The following HSPA12A variants were observed in gnomAD, a reference collection of about 807,000 sequenced individuals.
HSPA12A encodes the protein heat shock protein family A (Hsp70) member 12A, also known as heat shock 70 kDa protein 12A.
HSPA12A carries 28 observed loss-of-function variants against 69.2 expected under a neutral mutation model. The observed-to-expected ratio is 0.40, with a 90% CI of 0.30 to 0.55. The LOEUF (loss-of-function observed/expected upper bound fraction) is 0.55. HSPA12A is among the 20% of genes least tolerant of loss of function. HSPA12A has a pLI of 0.38. For synonymous variants in HSPA12A, 345 were observed against 370.5 expected, an observed-to-expected ratio of 0.93 and a Z score of 0.79; for missense variants, 686 against 900.7, an observed-to-expected ratio of 0.76 and a Z score of 3.05.
intron 1 of HSPA12A, among the ~76,000 whole-genome samples, chr10:116,726,784 A>T (rs1422869435): frequency 1.3e-5 from 2 of 152,118 alleles, no homozygotes; most frequent in African/African-American, 2.4e-5. Context: ...CTGTTTCTTC[A>T]TGTGGAAAAT....
At chr10:116,750,219 G>A (rs1307825889) in intron 2 of HSPA12A, 7 of 737,116 alleles carry the variant, frequency 9.5e-6, no homozygotes, top group African/African-American at 1.7e-5. Flanking sequence ...CTGCTGGCCT[G>A]CAGGCTTCTC....
intron 3 of HSPA12A, among the ~76,000 whole-genome samples, chr10:116,702,672 C>T (rs1158922550): frequency 6.6e-6 from 1 of 152,192 alleles, no homozygotes; most frequent in African/African-American, 2.4e-5. Flanking sequence ...TTAACAGTGA[C>T]ATTATCAGTA....
intron 2 of HSPA12A, among the ~76,000 whole-genome samples, chr10:116,790,952 A>G (rs1844690456): frequency 6.6e-6 from 1 of 152,198 alleles, no homozygotes; most frequent in African/African-American, 2.4e-5. Context: ...TGGCCTCCCA[A>G]TGTGCTGGGA....
intron 1 of HSPA12A, among the ~76,000 whole-genome samples, chr10:116,740,671 TG>T (rs1851467161): frequency 3.0e-4 from 1 of 3,310 alleles, no homozygotes; most frequent in Non-Finnish European, 8.4e-4. Context: ...TGTGTGTGTG[TG>T]TGTCTGTGTG....
At chr10:116,704,428 G>T (rs1850174543) in intron 3 of HSPA12A, among the ~76,000 whole-genome samples, 1 of 152,118 alleles carries the variant, frequency 6.6e-6, no homozygotes, top group African/African-American at 2.4e-5. Flanking sequence ...CATGGACACA[G>T]GAAGGGGAAC....
chr10:116,743,480 C>T (rs1851578652), upstream of HSPA12A, among the ~76,000 whole-genome samples: 1 of 152,222 alleles, frequency 6.6e-6, no homozygotes, highest in Admixed American at 6.5e-5. Flanking sequence ...TTACCTCTAT[C>T]TCCTTTCCTC....
At chr10:116,824,893 A>G (rs936021098) in intron 2 of HSPA12A, among the ~76,000 whole-genome samples, 7 of 151,650 alleles carry the variant, frequency 4.6e-5, no homozygotes, top group African/African-American at 1.7e-4. Flanking sequence ...CAGCCTCCCA[A>G]AGTGCTGGGA....
At chr10:116,728,299 T>A (rs1589666052) in intron 1 of HSPA12A, among the ~76,000 whole-genome samples, 1 of 114,970 alleles carries the variant, frequency 8.7e-6, no homozygotes, top group Non-Finnish European at 1.9e-5. Context: ...GTAGGTTAGG[T>A]GGATTAAATG....
chr10:116,847,492 T>G (rs1398713338), intron 1 of HSPA12A, among the ~76,000 whole-genome samples: 1 of 152,194 alleles, frequency 6.6e-6, no homozygotes, highest in Admixed American at 6.5e-5. Flanking sequence ...AAAATGGGAT[T>G]CCAGCTTCTT....
chr10:116,796,099 G>T (rs1453428404), intron 2 of HSPA12A, among the ~76,000 whole-genome samples: 1 of 132,234 alleles, frequency 7.6e-6, no homozygotes, highest in Non-Finnish European at 1.5e-5. Flanking sequence ...AGTGAGCCAA[G>T]ATCCCGCCAC....
In HSPA12A at chr10:116,819,145, C is replaced by T. The variant is rs562931473; in HGVS notation, c.91+15790G>A. ...TGTCCCGTGACACCCTGCTTATTCA[C>T]TGGTCCCAAAATCACCTGCATTTTC... On this transcript the variant is annotated intron_variant, in intron 2 of 12. Transcript: ENST00000635765. Among the ~76,000 whole-genome samples, 138 of 152,336 alleles carry T rather than the reference C, an allele frequency of 9.1e-4. 1 individual carries two copies. The highest frequency in any genetic ancestry group is 3.1e-3 in the African/African-American group (129 of 41,574).
intron 2 of HSPA12A, among the ~76,000 whole-genome samples, chr10:116,795,200 C>T (rs1394530016): frequency 6.6e-6 from 1 of 152,122 alleles, no homozygotes; most frequent in African/African-American, 2.4e-5. Flanking sequence ...GGAAAGGTCC[C>T]TTCCATTCCC....
chr10:116,785,578 C>G (rs1469303994), intron 2 of HSPA12A, among the ~76,000 whole-genome samples: 1 of 152,186 alleles, frequency 6.6e-6, no homozygotes, highest in East Asian at 1.9e-4. Flanking sequence ...CAGGTGCCCA[C>G]TCATAAAGCC....
At chr10:116,791,723 A>G (rs1844705124) in intron 2 of HSPA12A, among the ~76,000 whole-genome samples, 1 of 152,092 alleles carries the variant, frequency 6.6e-6, no homozygotes, top group South Asian at 2.1e-4. Context: ...TAAATTGTTG[A>G]GAAAAGGTTG....
chr10:116,715,325 G>A (rs1377668601), intron 1 of HSPA12A, among the ~76,000 whole-genome samples: 1 of 152,184 alleles, frequency 6.6e-6, no homozygotes, highest in Non-Finnish European at 1.5e-5. Flanking sequence ...AAATGCAGTG[G>A]ATGGACCTTT....
chr10:116,844,845 A>G (rs1845853526), intron 1 of HSPA12A, among the ~76,000 whole-genome samples: 1 of 152,240 alleles, frequency 6.6e-6, no homozygotes, highest in African/African-American at 2.4e-5. Flanking sequence ...AAGGTGTTGG[A>G]CAGGATTAGG....
chr10:116,716,099 G>A (rs1850595205), intron 1 of HSPA12A, among the ~76,000 whole-genome samples: 1 of 151,166 alleles, frequency 6.6e-6, no homozygotes, highest in Non-Finnish European at 1.5e-5. Context: ...GTCATCAGCT[G>A]ACAGCTCCTA....
intron 2 of HSPA12A, among the ~76,000 whole-genome samples, chr10:116,813,263 T>TTTTTTTTTA (rs1845230777): frequency 2.7e-5 from 4 of 147,382 alleles, no homozygotes; most frequent in East Asian, 2.0e-4. Context: ...TTTTTTTTTT[T>TTTTTTTTTA]GAGATGGAGT....
chr10:116,728,108 A>C (rs759556371), intron 1 of HSPA12A, among the ~76,000 whole-genome samples: 4 of 151,440 alleles, frequency 2.6e-5, no homozygotes, highest in Non-Finnish European at 4.4e-5. Context: ...GCGCTTGGCC[A>C]ATTTTTGTAT....
Sources: allele counts gnomAD v4.1 joint callset (sites outside exome capture counted in the v4.1 genomes callset), GRCh38; gene constraint gnomAD v4.1.1; transcripts MANE v1.5; gene names NCBI Gene and HGNC (gene_info 2026-07-23, HGNC 2026-07-21).